NALF1: variants seen among roughly 807,000 people sequenced by gnomAD.
The protein encoded by NALF1 is NALCN channel auxiliary factor 1.
In NALF1, 3 loss-of-function variants were observed where a neutral mutation model predicts 48.4. The ratio of observed to expected loss-of-function variants is 0.06; its 90% CI spans 0.03 to 0.16. The LOEUF (loss-of-function observed/expected upper bound fraction) is 0.16. Among genes scored for constraint, NALF1 ranks in the 10% least tolerant of loss-of-function variants. The probability of loss-of-function intolerance (pLI) is 1.00; values close to 1 mark genes in which losing one functional copy is unlikely to be tolerated. For missense variants in NALF1, 526 were observed against 571.5 expected, an observed-to-expected ratio of 0.92 and a Z score of 0.81; for synonymous variants, 262 against 245.7, an observed-to-expected ratio of 1.07 and a Z score of -0.62.
At chr13:107,510,037 G>A (rs554042484) in intron 1 of NALF1, among the ~76,000 whole-genome samples, 154 of 152,082 alleles carry the variant, frequency 1.0e-3, no homozygotes, top group African/African-American at 3.6e-3. Context: ...TTGAACTCCC[G>A]AGCTCAAGTG....
intron 1 of NALF1, among the ~76,000 whole-genome samples, chr13:107,627,569 C>T (rs1001662526): frequency 6.6e-6 from 1 of 151,994 alleles, no homozygotes; most frequent in Admixed American, 6.6e-5. Context: ...GCAACTGGGG[C>T]GTATTCTTTG....
chr13:107,731,432 T>C (rs1418108941), intron 1 of NALF1, among the ~76,000 whole-genome samples: 2 of 152,136 alleles, frequency 1.3e-5, no homozygotes. Flanking sequence ...CAGGAGTACA[T>C]GTGCAGGTTT....
intron 2 of NALF1, among the ~76,000 whole-genome samples, chr13:107,205,944 C>T (rs1170707621): frequency 6.6e-6 from 1 of 151,900 alleles, no homozygotes; most frequent in South Asian, 2.1e-4. Flanking sequence ...GGGAAGCCCA[C>T]GTAATTACCA....
intron 1 of NALF1, among the ~76,000 whole-genome samples, chr13:107,846,886 A>C (rs1196341117): frequency 1.3e-5 from 2 of 152,218 alleles, no homozygotes; most frequent in Non-Finnish European, 2.9e-5. Context: ...CAATGGCCTA[A>C]GTAAGTCAAT....
chr13:107,566,178 T>C (rs893878143), intron 1 of NALF1, among the ~76,000 whole-genome samples: 1 of 152,200 alleles, frequency 6.6e-6, no homozygotes, highest in Admixed American at 6.5e-5. Flanking sequence ...GAGGCTTTTA[T>C]AAGAGGCATT....
intron 2 of NALF1, among the ~76,000 whole-genome samples, chr13:107,197,565 C>G (rs534841676): frequency 6.6e-6 from 1 of 152,312 alleles, no homozygotes; most frequent in South Asian, 2.1e-4. Flanking sequence ...TCATGTGTGG[C>G]TGATGTTCCT....
intron 1 of NALF1, among the ~76,000 whole-genome samples, chr13:107,816,847 T>A (rs1263426789): frequency 6.6e-6 from 1 of 152,142 alleles, no homozygotes; most frequent in Non-Finnish European, 1.5e-5. Context: ...CTCTTCCCAG[T>A]CCAGGAATAG....
At chr13:107,299,105 T>C (rs1214470485) in intron 1 of NALF1, among the ~76,000 whole-genome samples, 3 of 152,218 alleles carry the variant, frequency 2.0e-5, no homozygotes, top group Non-Finnish European at 2.9e-5. Context: ...CTTTGTAGAA[T>C]AGCTCTCATC....
chr13:107,200,992 C>G (rs931220190), intron 2 of NALF1, among the ~76,000 whole-genome samples: 1 of 152,132 alleles, frequency 6.6e-6, no homozygotes, highest in Non-Finnish European at 1.5e-5. Context: ...GAACACTCAT[C>G]CAGTGAAATT....
chr13:107,837,609 T>G (rs1452114935), intron 1 of NALF1, among the ~76,000 whole-genome samples: 2 of 152,064 alleles, frequency 1.3e-5, no homozygotes, highest in African/African-American at 4.8e-5. Context: ...CAGGGAAATA[T>G]CAAAGCTTGA....
chr13:107,822,108 GA>G (rs1879376449), intron 1 of NALF1, among the ~76,000 whole-genome samples: 1 of 152,024 alleles, frequency 6.6e-6, no homozygotes, highest in Non-Finnish European at 1.5e-5. Flanking sequence ...TGCATCCTTA[GA>G]AAGCTAGCTC....
intron 1 of NALF1, among the ~76,000 whole-genome samples, chr13:107,494,457 C>T (rs1425411393): frequency 6.6e-6 from 1 of 152,144 alleles, no homozygotes; most frequent in Non-Finnish European, 1.5e-5. Context: ...ATCAACACTG[C>T]TTTTCATCTC....
At chr13:107,334,449 A>G (rs1255415137) in intron 1 of NALF1, among the ~76,000 whole-genome samples, 2 of 152,092 alleles carry the variant, frequency 1.3e-5, no homozygotes, top group African/African-American at 2.4e-5. Flanking sequence ...CTGGCTCTCT[A>G]GAAGGATCCT....
chr13:107,453,030 C>T (rs1290740641), intron 1 of NALF1, among the ~76,000 whole-genome samples: 1 of 152,214 alleles, frequency 6.6e-6, no homozygotes, highest in African/African-American at 2.4e-5. Flanking sequence ...CCTTGGACAG[C>T]TCCACTCCTT....
At chr13:107,699,521 G>T (rs1881773779) in intron 1 of NALF1, among the ~76,000 whole-genome samples, 1 of 152,080 alleles carries the variant, frequency 6.6e-6, no homozygotes. Context: ...AACCCCCACA[G>T]ACAGTGCAAA....
chr13:107,416,191 A>G (rs1261196978), intron 1 of NALF1, among the ~76,000 whole-genome samples: 2 of 118,322 alleles, frequency 1.7e-5, no homozygotes, highest in African/African-American at 6.1e-5. Context: ...TTTTTTTTGT[A>G]TTTTTAGTAG....
At chr13:107,541,103 T>C (rs865939547) in intron 1 of NALF1, among the ~76,000 whole-genome samples, 1 of 152,164 alleles carries the variant, frequency 6.6e-6, no homozygotes, top group Non-Finnish European at 1.5e-5. Context: ...TCTTTACTTT[T>C]CCCTACTCAA....
At chr13:107,323,811 C>G (rs902933490) in intron 1 of NALF1, among the ~76,000 whole-genome samples, 6 of 152,172 alleles carry the variant, frequency 3.9e-5, no homozygotes, top group Non-Finnish European at 8.8e-5. Flanking sequence ...TAAATTGTAA[C>G]TTATCCAAGA....
At chr13:107,523,307 G>A (rs658988) in intron 1 of NALF1, among the ~76,000 whole-genome samples, 110,675 of 152,056 alleles carry the variant, frequency 0.73, 40,805 homozygotes, top group Middle Eastern at 0.8. Context: ...TAATGTTCAC[G>A]GGTATTTTAG....
Sources: gnomAD v4.1 joint callset for allele counts (sites outside exome capture counted in the v4.1 genomes callset) on GRCh38, gnomAD v4.1.1 for gene constraint, MANE v1.5 for transcripts, NCBI Gene and HGNC (gene_info 2026-07-23, HGNC 2026-07-21) for gene names.